Variants in RABEP2 observed in about 807,000 individuals in gnomAD.
RABEP2 encodes rab GTPase-binding effector protein 2.
RABEP2 carries 57 observed loss-of-function variants against 74.1 expected under a neutral mutation model. That is an observed-to-expected ratio of 0.77 (90% confidence interval 0.62 to 0.96). RABEP2 has a LOEUF of 0.96. Among genes scored for constraint, RABEP2 ranks in the 40% least tolerant of loss-of-function variants. The pLI is 0.00. For missense variants in RABEP2, 692 were observed against 756.3 expected, an observed-to-expected ratio of 0.91 and a Z score of 1.00; for synonymous variants, 351 against 344.0, an observed-to-expected ratio of 1.02 and a Z score of -0.23.
intron 2 of RABEP2, among the ~76,000 whole-genome samples, chr16:28,921,451 GAGC>G (rs1236732535): frequency 6.6e-6 from 1 of 151,928 alleles, no homozygotes; most frequent in Non-Finnish European, 1.5e-5. Context: ...GGACCAGTGT[GAGC>G]AGCGGAAGAG....
rs1345369957 is a variant in RABEP2 at position 28,922,649 on chromosome 16, C to T, written c.274+1754G>A. Among the ~76,000 whole-genome samples the T allele has an allele frequency of 2.6e-5, 4 of 151,920 alleles. No homozygotes were observed. The South Asian group carries it at 6.2e-4, about 24-fold the overall frequency. On this transcript the variant is annotated intron_variant, in intron 2 of 12. Transcript: ENST00000358201. ...CTGAGGCAGGAGAATAGCATGAACCCGGGAGGTGGAGCTTGCAGTAAGCCA... is the reference window on the plus strand; with the variant it reads ...CTGAGGCAGGAGAATAGCATGAACCTGGGAGGTGGAGCTTGCAGTAAGCCA...
At chr16:28,917,014 C>T (rs907811271) in intron 3 of RABEP2, among the ~76,000 whole-genome samples, 2 of 151,634 alleles carry the variant, frequency 1.3e-5, no homozygotes, top group Non-Finnish European at 2.9e-5. Context: ...AATTATGTCA[C>T]ATTTAAGCCA....
chr16:28,919,641 A>G, intron 3 of RABEP2, 145 bp downstream of exon 3: 1 of 943,936 alleles, frequency 1.1e-6, no homozygotes, highest in Non-Finnish European at 1.5e-6. Flanking sequence ...CACAGAGCCA[A>G]GCTCTCAACA....
chr16:28,920,682 A>G (rs1267006050), intron 2 of RABEP2, among the ~76,000 whole-genome samples: 2 of 150,648 alleles, frequency 1.3e-5, no homozygotes, highest in Non-Finnish European at 3.0e-5. Flanking sequence ...CACTGCTCCC[A>G]GCCCTTTTTT....
chr16:28,920,847 C>G (rs530599376), intron 2 of RABEP2, among the ~76,000 whole-genome samples: 1 of 151,820 alleles, frequency 6.6e-6, no homozygotes, highest in African/African-American at 2.4e-5. Flanking sequence ...CCCTCTCCCC[C>G]CACCCCACCA....
chr16:28,906,487 G>A (rs894285261), intron 8 of RABEP2, among the ~76,000 whole-genome samples: 10 of 152,140 alleles, frequency 6.6e-5, no homozygotes, highest in Non-Finnish European at 1.2e-4. Context: ...GCCCCTTGCC[G>A]GGCGCGGTGG....
intron 8 of RABEP2, among the ~76,000 whole-genome samples, chr16:28,907,078 G>A (rs778339702): frequency 2.0e-5 from 3 of 151,926 alleles, no homozygotes; most frequent in East Asian, 1.9e-4. Flanking sequence ...CAGAGCCAAG[G>A]AATGGGGAGG....
At chr16:28,915,765 G>T (rs560951377) in intron 3 of RABEP2, among the ~76,000 whole-genome samples, 121 of 151,452 alleles carry the variant, frequency 8.0e-4, no homozygotes, top group African/African-American at 2.9e-3. Flanking sequence ...GGCTTGTCTC[G>T]AACTCCTGAA....
intron 3 of RABEP2, 143 bp downstream of exon 3, chr16:28,919,643 C>T: frequency 1.0e-6 from 1 of 971,698 alleles, no homozygotes; most frequent in Non-Finnish European, 1.5e-6. Flanking sequence ...CAGAGCCAAG[C>T]TCTCAACAAC....
chr16:28,918,389 G>A (rs1214509652), intron 3 of RABEP2, among the ~76,000 whole-genome samples: 5 of 152,094 alleles, frequency 3.3e-5, no homozygotes, highest in South Asian at 2.1e-4. Flanking sequence ...GAGGCGGGCC[G>A]ATCACTAGAG....
At chr16:28,910,048 A>C (rs1389739280) in intron 7 of RABEP2, among the ~76,000 whole-genome samples, 1 of 151,584 alleles carries the variant, frequency 6.6e-6, no homozygotes, top group Non-Finnish European at 1.5e-5. Flanking sequence ...AAAAAAAAAA[A>C]AAATAGGAGA....
Position 28,904,981 on chromosome 16 carries a change from C to G in RABEP2, c.1672G>C (p.Ala558Pro). 1 of 1,612,858 alleles carries G rather than the reference C, an allele frequency of 6.2e-7. No individual in the cohort carries two copies. Among genetic ancestry groups the G allele is most frequent in the Non-Finnish European group, 8.5e-7 (1 of 1,179,798 alleles). ...ATGTCCCTGACGTCCGTGAGTGGCG[C>G]CTCATCCATGATGCTGCGCACTTGC... ...LEQVRSIMDEAPLTDVRDIKD... is the reference protein window; with the variant it reads ...LEQVRSIMDEPPLTDVRDIKD... Residue 558 changes from alanine to proline, a missense_variant, in exon 13 of 13, where the codon GCG becomes CCG. Coordinates refer to ENST00000358201, the MANE Select transcript of RABEP2 (RefSeq NM_024816.3).
At chr16:28,924,969 C>T (rs1458113330) in intron 1 of RABEP2, 134 bp downstream of exon 1, 3 of 1,102,688 alleles carry the variant, frequency 2.7e-6, no homozygotes, top group Non-Finnish European at 3.9e-6. Context: ...GGCTGTAGGC[C>T]CCGCCCCCTT....
intron 3 of RABEP2, among the ~76,000 whole-genome samples, chr16:28,918,340 C>A (rs907593362): frequency 6.6e-6 from 1 of 152,000 alleles, no homozygotes; most frequent in Non-Finnish European, 1.5e-5. Flanking sequence ...GGGCCGGGCG[C>A]GGTGGTTCAC....
At position 28,905,370 on chromosome 16, in the gene RABEP2, G is replaced by GT. The variant is rs1471653407; in HGVS notation, c.1608+26_1608+27insA. 3.2e-6 allele frequency: 5 copies of GT among 1,556,544 alleles called. No individual in the cohort carries two copies. The East Asian group carries it at 1.1e-4, about 35-fold the overall frequency. On this transcript the variant is annotated intron_variant, in intron 12 of 12. Coordinates refer to ENST00000358201, the MANE Select transcript of RABEP2 (RefSeq NM_024816.3). Reference sequence around the variant, plus strand: ...AGGTCACCCGGAGTGGAGCCAGCCAGCCTGGCGGGGCTGGGACAGGCCATA... The same window carrying GT: ...AGGTCACCCGGAGTGGAGCCAGCCAGTCCTGGCGGGGCTGGGACAGGCCATA...
chr16:28,914,952 C>T (rs929695525), intron 3 of RABEP2, among the ~76,000 whole-genome samples, 170 bp from the exon 4 acceptor site: 11 of 151,596 alleles, frequency 7.3e-5, no homozygotes, highest in Non-Finnish European at 1.5e-4. Context: ...GCTTCCACGA[C>T]TTGCCCCAGG....
In RABEP2 at chr16:28,914,787, AGGGAGC is replaced by A. The variant is rs777258486; in HGVS notation, c.433-11_433-6del. ...CTTCTCCGAGTCCTCGTGGGCCTGG[AGGGAGC>A]GGGGTGTGGCAGCAATAGTTCCCCC... On this transcript the variant is annotated splice_polypyrimidine_tract_variant and splice_region_variant and intron_variant, in intron 3 of 12. Coordinates refer to ENST00000358201, the MANE Select transcript of RABEP2 (RefSeq NM_024816.3). 8.7e-6 allele frequency: 14 copies of A among 1,613,652 alleles called. No homozygotes were observed. The East Asian group carries it at 1.3e-4, about 15-fold the overall frequency.
chr16:28,922,594 G>A (rs963971012), intron 2 of RABEP2, among the ~76,000 whole-genome samples: 4 of 151,932 alleles, frequency 2.6e-5, no homozygotes, highest in South Asian at 2.1e-4. Context: ...GCGTGGTGGC[G>A]AGCACCTGTA....
At chr16:28,923,432 A>G (rs1032336213) in intron 2 of RABEP2, among the ~76,000 whole-genome samples, 10 of 152,178 alleles carry the variant, frequency 6.6e-5, no homozygotes, top group African/African-American at 2.4e-4. Context: ...CTCAAGAAAA[A>G]AAAAAAAAGC....
Sources: allele counts gnomAD v4.1 joint callset (sites outside exome capture counted in the v4.1 genomes callset), GRCh38; gene constraint gnomAD v4.1.1; transcripts MANE v1.5; gene names NCBI Gene and HGNC (gene_info 2026-07-23, HGNC 2026-07-21).